CREBRF: variants seen among roughly 807,000 people sequenced by gnomAD.
CREBRF encodes CREB3 regulatory factor, also known as UPF0474 protein C5orf41.
Under a neutral mutation model 66.1 loss-of-function variants are expected in CREBRF, and 5 were observed. The observed-to-expected ratio is 0.08, with a 90% CI of 0.04 to 0.16. The LOEUF is 0.16. Among genes scored for constraint, CREBRF ranks in the 10% least tolerant of loss-of-function variants. CREBRF has a pLI of 1.00. For synonymous variants in CREBRF, 229 were observed against 264.4 expected (o/e 0.87, Z 1.30); for missense variants, 531 against 744.9 (o/e 0.71, Z 3.34).
rs530346304 is a variant in CREBRF at position 173,134,420 on chromosome 5, T to C, written c.*675T>C. 5.0e-5 allele frequency: 16 copies of C among 319,840 alleles called. No individual in the cohort carries two copies. Among genetic ancestry groups the C allele is most frequent in the Admixed American group, 2.2e-4 (5 of 22,748 alleles). The allele number at this position is 319,840 out of a possible 1,614,324, so 19.8% of individuals were successfully genotyped here. ...AACCCTAATGAGAAAAAACAAGATATATAGATGGAAAAATTATGGGGTTTA... is the reference window on the plus strand; with the variant it reads ...AACCCTAATGAGAAAAAACAAGATACATAGATGGAAAAATTATGGGGTTTA... On this transcript the variant is annotated 3_prime_UTR_variant, in exon 9 of 9. Coordinates refer to ENST00000296953, the MANE Select transcript of CREBRF (RefSeq NM_153607.3).
At chr5:173,131,695 T>TACACACACAC (rs67580803) in intron 8 of CREBRF, among the ~76,000 whole-genome samples, 2 of 148,922 alleles carry the variant, frequency 1.3e-5, no homozygotes, top group South Asian at 2.1e-4. Context: ...TATATATGTA[T>TACACACACAC]ACACACACAC....
intron 2 of CREBRF, among the ~76,000 whole-genome samples, chr5:173,082,468 A>G (rs1051777984): frequency 6.6e-6 from 1 of 152,082 alleles, no homozygotes; most frequent in African/African-American, 2.4e-5. Flanking sequence ...GGATGTACCA[A>G]TGAAGAAAAA....
At chr5:173,091,427 AGACT>A (rs767230901) in intron 4 of CREBRF, 26 bp downstream of exon 4, 25 of 1,602,254 alleles carry the variant, frequency 1.6e-5, no homozygotes, top group African/African-American at 8.0e-5. Context: ...CAAGCTTACC[AGACT>A]GACCTTTGTA....
chr5:173,109,481 A>T (rs371510278), intron 5 of CREBRF: 1 of 150,764 alleles, frequency 6.6e-6, no homozygotes, highest in East Asian at 1.9e-4. Flanking sequence ...GTCTCTAAAA[A>T]AATTTTAAAA....
intron 2 of CREBRF, chr5:173,085,502 C>T (rs1758119950): frequency 1.6e-5 from 9 of 553,226 alleles, no homozygotes; most frequent in South Asian, 6.5e-5. Context: ...CTGCAACCTT[C>T]GCCTCCCAGG....
At chr5:173,096,265 A>G (rs933585656) in intron 4 of CREBRF, among the ~76,000 whole-genome samples, 6 of 152,066 alleles carry the variant, frequency 3.9e-5, no homozygotes, top group East Asian at 3.9e-4. Flanking sequence ...CACTGCGCCC[A>G]GCCTATGGTG....
chr5:173,091,260 G>C lies in CREBRF; in HGVS notation c.1081G>C (p.Glu361Gln), dbSNP rs560830346. 1.7e-5 allele frequency: 28 copies of C among 1,613,946 alleles called. 1 individual carries two copies. In the South Asian group the frequency reaches 2.7e-4, roughly 16 times the overall value. ...KCSPEEDEED[E>Q]EDVDDEDHDE... The stretch of plus-strand genomic sequence containing the variant: ...CAGTCCTGAAGAAGATGAGGAGGAC[G>C]AGGAGGATGTTGATGATGAGGACCA... Residue 361 changes from glutamate to glutamine, a missense_variant, in exon 4 of 9, where the codon GAG (glutamate) becomes CAG (glutamine). Coordinates refer to ENST00000296953, the MANE Select transcript of CREBRF (RefSeq NM_153607.3).
chr5:173,108,944 A>C, intron 5 of CREBRF, 126 bp downstream of exon 5: 1 of 767,316 alleles, frequency 1.3e-6, no homozygotes, highest in Non-Finnish European at 2.1e-6. Context: ...GGGACTGTAG[A>C]GCTGCTACAT....
chr5:173,057,170 G>A (rs1312588948), intron 1 of CREBRF, among the ~76,000 whole-genome samples: 1 of 152,162 alleles, frequency 6.6e-6, no homozygotes, highest in East Asian at 1.9e-4. Flanking sequence ...GAGCTGAGTG[G>A]CAGGCTCTGG....
intron 4 of CREBRF, among the ~76,000 whole-genome samples, chr5:173,094,592 T>C (rs1243864422): frequency 6.6e-6 from 1 of 152,128 alleles, no homozygotes; most frequent in Non-Finnish European, 1.5e-5. Flanking sequence ...TTTTTAAAAA[T>C]GTTTATTCAG....
At chr5:173,106,453 G>A (rs1355417955) in intron 4 of CREBRF, among the ~76,000 whole-genome samples, 5 of 151,968 alleles carry the variant, frequency 3.3e-5, no homozygotes, top group African/African-American at 1.2e-4. Flanking sequence ...GAGCCTAAGG[G>A]TCACCATCAC....
chr5:173,057,464 G>C (rs1561785899), intron 1 of CREBRF: 4 of 152,256 alleles, frequency 2.6e-5, no homozygotes, highest in Admixed American at 2.6e-4. Context: ...CTCCTCACAC[G>C]AGCTGAGGAG....
chr5:173,130,497 CA>C (rs1451392214), intron 8 of CREBRF, among the ~76,000 whole-genome samples: 1 of 151,004 alleles, frequency 6.6e-6, no homozygotes, highest in Non-Finnish European at 1.5e-5. Context: ...CTGGATTTAC[CA>C]GTTGTTTTCA....
chr5:173,074,966 A>G (rs778590449), intron 1 of CREBRF, among the ~76,000 whole-genome samples: 6 of 152,156 alleles, frequency 3.9e-5, no homozygotes, highest in Non-Finnish European at 7.4e-5. Context: ...ATAAAAGACT[A>G]TTACATTGAT....
chr5:173,086,335 CA>C, intron 2 of CREBRF, 165 bp from the exon 3 acceptor site: 1 of 664,692 alleles, frequency 1.5e-6, no homozygotes, highest in Non-Finnish European at 2.6e-6. Flanking sequence ...GTCTACAGTT[CA>C]GTGTTAGCCA....
intron 7 of CREBRF, among the ~76,000 whole-genome samples, chr5:173,120,240 T>C (rs1305386641): frequency 6.6e-6 from 1 of 152,200 alleles, no homozygotes; most frequent in African/African-American, 2.4e-5. Context: ...TATTTCTTCA[T>C]TGTATCTATG....
At chr5:173,073,309 G>A (rs1220053833) in intron 1 of CREBRF, among the ~76,000 whole-genome samples, 1 of 152,196 alleles carries the variant, frequency 6.6e-6, no homozygotes, top group African/African-American at 2.4e-5. Flanking sequence ...CTGGGGGATA[G>A]TGGTTATCCT....
chr5:173,074,243 G>A (rs557526854), intron 1 of CREBRF, among the ~76,000 whole-genome samples: 3 of 150,780 alleles, frequency 2.0e-5, no homozygotes, highest in Non-Finnish European at 4.4e-5. Context: ...GGAGGTTGCA[G>A]TGAGCTGAGA....
intron 4 of CREBRF, among the ~76,000 whole-genome samples, chr5:173,107,581 C>T (rs1351754331): frequency 6.6e-6 from 1 of 152,064 alleles, no homozygotes; most frequent in East Asian, 1.9e-4. Context: ...GTGTGAGAAC[C>T]GTCATCTTTT....
Sources: gnomAD v4.1 joint callset for allele counts (sites outside exome capture counted in the v4.1 genomes callset) on GRCh38, gnomAD v4.1.1 for gene constraint, MANE v1.5 for transcripts, NCBI Gene and HGNC (gene_info 2026-07-23, HGNC 2026-07-21) for gene names.